Variants in CDH1 observed in about 807,000 individuals in gnomAD.
The protein encoded by CDH1 is cadherin-1.
CDH1 carries 35 observed loss-of-function variants against 84.5 expected under a neutral mutation model. The ratio of observed to expected loss-of-function variants is 0.41; its 90% CI spans 0.32 to 0.55. The LOEUF (loss-of-function observed/expected upper bound fraction) is 0.55, where lower values mean the gene tolerates loss of function less well. Ranked by LOEUF, CDH1 falls within the 20% of genes least tolerant of loss-of-function variation. CDH1 has a pLI of 0.19. For missense variants in CDH1, 994 were observed against 1,126.6 expected, an observed-to-expected ratio of 0.88 and a Z score of 1.68; for synonymous variants, 417 against 439.0, an observed-to-expected ratio of 0.95 and a Z score of 0.63.
At chr16:68,814,594 A>C (rs1960932922) in intron 9 of CDH1, 1 of 152,166 alleles carries the variant, frequency 6.6e-6, no homozygotes, top group East Asian at 1.9e-4. Context: ...CCTGAAATTG[A>C]AAAAGAAGTA....
chr16:68,762,287 C>T (rs933068664), intron 2 of CDH1, among the ~76,000 whole-genome samples: 6 of 152,180 alleles, frequency 3.9e-5, no homozygotes, highest in Admixed American at 1.3e-4. Flanking sequence ...AGGCCTGTGT[C>T]GGGATACGTC....
chr16:68,766,111 T>C (rs1288039441), intron 2 of CDH1, among the ~76,000 whole-genome samples: 1 of 151,938 alleles, frequency 6.6e-6, no homozygotes, highest in African/African-American at 2.4e-5. Flanking sequence ...TACAGAAAAT[T>C]AGCCGGGTGT....
chr16:68,801,042 A>G (rs953257268), intron 2 of CDH1, among the ~76,000 whole-genome samples: 3 of 152,164 alleles, frequency 2.0e-5, no homozygotes, highest in African/African-American at 4.8e-5. Flanking sequence ...ATTCTAATGT[A>G]TAGTGTAGAT....
intron 2 of CDH1, among the ~76,000 whole-genome samples, chr16:68,793,960 A>G (rs901192170): frequency 6.1e-5 from 9 of 148,638 alleles, no homozygotes; most frequent in South Asian, 2.1e-4. Context: ...AAGTGGGAGG[A>G]TGCTAAAATC....
rs116878392 is a variant in CDH1 at position 68,814,484 on chromosome 16, G to A, written c.1320+989G>A. Reference sequence around the variant, plus strand: ...AATCGCTTGAGCCTGGAAGACAGAGGTTGTAGTGAGCCAAGATCGTGCTAC... The same window carrying A: ...AATCGCTTGAGCCTGGAAGACAGAGATTGTAGTGAGCCAAGATCGTGCTAC... On this transcript the variant is annotated intron_variant, in intron 9 of 15. Transcript: ENST00000261769. The A allele has an allele frequency of 2.2e-3, 336 of 152,900 alleles. 3 individuals are homozygous for A. In the East Asian group the frequency reaches 0.044, roughly 20 times the overall value. 9.5% of individuals were successfully genotyped at this position (152,900 alleles called of 1,614,324 possible). A position where few individuals can be genotyped will look rare whatever the true frequency, so the allele number is the denominator to read the frequency against.
chr16:68,785,033 T>A (rs1960005314), intron 2 of CDH1, among the ~76,000 whole-genome samples: 2 of 152,038 alleles, frequency 1.3e-5, no homozygotes, highest in Admixed American at 6.6e-5. Context: ...GAAAAAAAAA[T>A]AATCTAAAAA....
chr16:68,822,137 T>C lies in CDH1; in HGVS notation c.1848T>C (p.Asp616=), dbSNP rs189334685. 1.2e-6 allele frequency: 2 copies of C among 1,614,184 alleles called. No individual in the cohort carries two copies. Among genetic ancestry groups the C allele is most frequent in the East Asian group, 4.5e-5 (2 of 44,888 alleles). ...NPKPQVINII[D]ADLPPNTSPF... is the part of the protein sequence containing the mutation. ...AGCCTCAGGTCATAAACATCATTGA[T>C]GCAGACCTTCCTCCCAATACATCTC... is the stretch of plus-strand genomic sequence containing the variant. Residue 616 remains aspartate (D), a synonymous_variant, in exon 12 of 16, where the codon GAT becomes GAC. Coordinates refer to ENST00000261769, the MANE Select transcript of CDH1 (RefSeq NM_004360.5).
At chr16:68,747,809 GC>G (rs1377756631) in intron 2 of CDH1, among the ~76,000 whole-genome samples, 2 of 152,012 alleles carry the variant, frequency 1.3e-5, no homozygotes, top group African/African-American at 4.8e-5. Flanking sequence ...TATTGTCCAG[GC>G]TGGAGTGCAG....
chr16:68,804,488 C>T (rs1442712677), intron 3 of CDH1, among the ~76,000 whole-genome samples: 5 of 152,146 alleles, frequency 3.3e-5, no homozygotes, highest in African/African-American at 9.7e-5. Flanking sequence ...AATTTAGCCT[C>T]ATGACCACAT....
At chr16:68,767,779 G>T (rs1959432745) in intron 2 of CDH1, among the ~76,000 whole-genome samples, 1 of 152,088 alleles carries the variant, frequency 6.6e-6, no homozygotes, top group South Asian at 2.1e-4. Context: ...AAGGAAATGG[G>T]CAAAGGAGAA....
Position 68,775,975 on chromosome 16 carries a change from A to G in CDH1, c.164-25695A>G, listed in dbSNP as rs150023161. The stretch of plus-strand genomic sequence containing the variant: ...AAGTCCTCAAATATGGCTATTTTAG[A>G]TTTCTTTTTTTCTTTTGGTGAGACA... On this transcript the variant is annotated intron_variant, in intron 2 of 15. Transcript: ENST00000261769. 1.1e-4 allele frequency among the ~76,000 whole-genome samples: 16 copies of G among 152,110 alleles called. No individual in the cohort carries two copies. In the East Asian group the frequency reaches 2.9e-3, roughly 28 times the overall value.
At chr16:68,788,225 G>A (rs1960118474) in intron 2 of CDH1, among the ~76,000 whole-genome samples, 1 of 152,076 alleles carries the variant, frequency 6.6e-6, no homozygotes, top group South Asian at 2.1e-4. Context: ...TGAACCATAG[G>A]ACTTTGACTG....
intron 2 of CDH1, among the ~76,000 whole-genome samples, chr16:68,787,844 TGA>T (rs1960101932): frequency 6.2e-5 from 9 of 145,704 alleles, no homozygotes; most frequent in Non-Finnish European, 1.2e-4. Flanking sequence ...TTTTTTTTTT[TGA>T]GACAGTTTCA....
chr16:68,761,430 C>T (rs1959224102), intron 2 of CDH1, among the ~76,000 whole-genome samples: 1 of 152,218 alleles, frequency 6.6e-6, no homozygotes, highest in Non-Finnish European at 1.5e-5. Flanking sequence ...ATGTGTCTAT[C>T]CTCCATTCGT....
At chr16:68,831,210 C>T (rs149675605) in intron 15 of CDH1, among the ~76,000 whole-genome samples, 5 of 149,180 alleles carry the variant, frequency 3.4e-5, no homozygotes, top group Non-Finnish European at 7.4e-5. Context: ...TCCCGAGTAG[C>T]TGTGCCTACA....
At chr16:68,750,312 T>A (rs894959568) in intron 2 of CDH1, among the ~76,000 whole-genome samples, 2 of 152,050 alleles carry the variant, frequency 1.3e-5, no homozygotes, top group Non-Finnish European at 2.9e-5. Flanking sequence ...CCACTTATAT[T>A]GGCCTTCAAG....
chr16:68,776,265 G>A (rs1040458916), intron 2 of CDH1, among the ~76,000 whole-genome samples: 20 of 152,208 alleles, frequency 1.3e-4, no homozygotes, highest in Non-Finnish European at 2.8e-4. Flanking sequence ...GGGATTACAG[G>A]TGTGAGCCAC....
intron 2 of CDH1, among the ~76,000 whole-genome samples, chr16:68,798,731 A>T (rs1449047409): frequency 6.6e-6 from 1 of 152,196 alleles, no homozygotes; most frequent in East Asian, 1.9e-4. Flanking sequence ...CCCTGTTTAC[A>T]TGACAAGCCC....
At position 68,784,649 on chromosome 16, in the gene CDH1, C is replaced by A. The variant is rs187298278; in HGVS notation, c.164-17021C>A. On this transcript the variant is annotated intron_variant, in intron 2 of 15. Transcript: ENST00000261769. ...CTGTGTAGTCTTTTATCCCTCACCC[C>A]CTTCCCACCCTTTCCCCCAAAGTCC... 2.1e-3 allele frequency among the ~76,000 whole-genome samples: 314 copies of A among 152,104 alleles called. 1 individual carries two copies. Among genetic ancestry groups the A allele is most frequent in the Admixed American group, 3.5e-3 (53 of 15,274 alleles).
Sources: allele counts gnomAD v4.1 joint callset (sites outside exome capture counted in the v4.1 genomes callset), GRCh38; gene constraint gnomAD v4.1.1; transcripts MANE v1.5; gene names NCBI Gene and HGNC (gene_info 2026-07-23, HGNC 2026-07-21).